Variants in TRHDE observed in about 807,000 individuals in gnomAD.
TRHDE encodes the protein thyrotropin-releasing hormone-degrading ectoenzyme.
Under a neutral mutation model 125.7 loss-of-function variants are expected in TRHDE, and 72 were observed. That is an observed-to-expected ratio of 0.57 (90% CI 0.47 to 0.70). TRHDE has a LOEUF of 0.70. Ranked by LOEUF, TRHDE falls within the 30% of genes least tolerant of loss-of-function variation. TRHDE has a pLI of 0.00. For missense variants in TRHDE, 1,110 were observed against 1,327.1 expected (o/e 0.84, Z 2.54); for synonymous variants, 509 against 509.1 (o/e 1.00, Z 0.00).
At chr12:72,382,058 T>A (rs1872209548) in intron 3 of TRHDE, among the ~76,000 whole-genome samples, 1 of 152,164 alleles carries the variant, frequency 6.6e-6, no homozygotes. Context: ...ACTGGTCCCA[T>A]GCTCAGAGGT....
chr12:72,262,443 T>C (rs1214959939), intron 2 of TRHDE: 1 of 152,134 alleles, frequency 6.6e-6, no homozygotes, highest in African/African-American at 2.4e-5. Flanking sequence ...AAATTAAATG[T>C]TTGGATGATT....
intron 2 of TRHDE, among the ~76,000 whole-genome samples, chr12:72,303,851 C>T (rs1350486450): frequency 6.6e-6 from 1 of 152,118 alleles, no homozygotes; most frequent in East Asian, 1.9e-4. Context: ...GGTTCTTAAA[C>T]TAAGGATCTA....
At chr12:72,254,440 A>G (rs1878760253) in intron 2 of TRHDE, 1 of 152,140 alleles carries the variant, frequency 6.6e-6, no homozygotes, top group Admixed American at 6.6e-5. Flanking sequence ...AGAAAGTTCA[A>G]ATTTGTGACT....
At chr12:72,582,101 CAAAA>C in intron 12 of TRHDE, 113 of 57,070 alleles carry the variant, frequency 2.0e-3, no homozygotes, top group Non-Finnish European at 2.9e-3. Flanking sequence ...GACTCCGTCT[CAAAA>C]AAAAAAAAAA....
At chr12:72,312,623 G>A (rs1868600008) in intron 2 of TRHDE, among the ~76,000 whole-genome samples, 1 of 152,114 alleles carries the variant, frequency 6.6e-6, no homozygotes. Context: ...TTCACTCAGA[G>A]AATATGAACA....
chr12:72,178,477 A>T (rs1269449412), intron 2 of TRHDE, among the ~76,000 whole-genome samples: 2 of 152,108 alleles, frequency 1.3e-5, no homozygotes, highest in African/African-American at 4.8e-5. Context: ...TCCTAAACTA[A>T]TAATATAAAG....
intron 5 of TRHDE, among the ~76,000 whole-genome samples, chr12:72,488,048 C>T (rs116424593): frequency 0.018 from 2,690 of 151,702 alleles, 91 homozygotes; most frequent in African/African-American, 0.062. Flanking sequence ...GGAATCAAAG[C>T]TCAGAATTAC....
At chr12:72,614,410 A>G (rs1391350636) in intron 12 of TRHDE, among the ~76,000 whole-genome samples, 3 of 147,460 alleles carry the variant, frequency 2.0e-5, no homozygotes, top group Non-Finnish European at 4.5e-5. Context: ...CTTTTATTCT[A>G]TGGTACATCA....
At chr12:72,156,932 T>A (rs1876527173) in intron 2 of TRHDE, among the ~76,000 whole-genome samples, 1 of 152,170 alleles carries the variant, frequency 6.6e-6, no homozygotes, top group Non-Finnish European at 1.5e-5. Context: ...GCAATGCATG[T>A]GAAAATTAAA....
chr12:72,250,793 T>C (rs748813629), intron 2 of TRHDE, among the ~76,000 whole-genome samples: 5 of 146,754 alleles, frequency 3.4e-5, no homozygotes, highest in African/African-American at 7.5e-5. Context: ...TGTTTTTACT[T>C]GACTTTTCCC....
At chr12:72,193,805 T>C (rs569283433) in intron 2 of TRHDE, among the ~76,000 whole-genome samples, 1 of 152,170 alleles carries the variant, frequency 6.6e-6, no homozygotes, top group Admixed American at 6.5e-5. Context: ...CTCCATTCTA[T>C]GGAAATTTTC....
At chr12:72,149,805 T>C (rs867605784) in intron 2 of TRHDE, among the ~76,000 whole-genome samples, 5 of 152,110 alleles carry the variant, frequency 3.3e-5, no homozygotes, top group Non-Finnish European at 7.4e-5. Context: ...TACATAATCA[T>C]TTTTCATTCA....
At chr12:72,654,979 C>T (rs1874649545) in intron 17 of TRHDE, among the ~76,000 whole-genome samples, 2 of 152,074 alleles carry the variant, frequency 1.3e-5, no homozygotes, top group African/African-American at 4.8e-5. Flanking sequence ...TAATTTAAGC[C>T]CCTTAATATG....
At chr12:72,572,920 A>G (rs1348489790) in intron 10 of TRHDE, among the ~76,000 whole-genome samples, 1 of 152,042 alleles carries the variant, frequency 6.6e-6, no homozygotes, top group East Asian at 1.9e-4. Context: ...TGTTACAGGA[A>G]TGCATGACCA....
intron 12 of TRHDE, among the ~76,000 whole-genome samples, chr12:72,605,123 C>T (rs867945069): frequency 6.6e-6 from 1 of 152,124 alleles, no homozygotes. Context: ...CTATTAGAAG[C>T]AACTATCTTC....
At chr12:72,151,519 A>G (rs1283657812) in intron 2 of TRHDE, among the ~76,000 whole-genome samples, 3 of 152,062 alleles carry the variant, frequency 2.0e-5, no homozygotes, top group Admixed American at 6.5e-5. Flanking sequence ...TAGGGTTTTT[A>G]TGGTTTTAGG....
At chr12:72,385,802 G>A (rs1872386334) in intron 3 of TRHDE, among the ~76,000 whole-genome samples, 1 of 152,086 alleles carries the variant, frequency 6.6e-6, no homozygotes, top group South Asian at 2.1e-4. Context: ...GATACTTAAT[G>A]TTTATGATGT....
chr12:72,435,384 C>T (rs1358190030), intron 3 of TRHDE, among the ~76,000 whole-genome samples: 2 of 152,114 alleles, frequency 1.3e-5, no homozygotes, highest in African/African-American at 4.8e-5. Context: ...CATTGGTGTT[C>T]TTTCAGCTTG....
At chr12:72,299,002 A>G (rs764892545) in intron 2 of TRHDE, among the ~76,000 whole-genome samples, 1 of 152,124 alleles carries the variant, frequency 6.6e-6, no homozygotes, top group Non-Finnish European at 1.5e-5. Flanking sequence ...TGCAGTACAG[A>G]GAAGAATCTC....
Sources: allele counts gnomAD v4.1 joint callset (sites outside exome capture counted in the v4.1 genomes callset), GRCh38; gene constraint gnomAD v4.1.1; transcripts MANE v1.5; gene names NCBI Gene and HGNC (gene_info 2026-07-23, HGNC 2026-07-21).